The following PTPRN2 variants were observed in gnomAD, a reference collection of about 807,000 sequenced individuals.
PTPRN2 encodes the protein receptor-type tyrosine-protein phosphatase N2.
Under a neutral mutation model 118.8 loss-of-function variants are expected in PTPRN2, and 74 were observed. The observed-to-expected ratio is 0.62, with a 90% CI of 0.52 to 0.76. The LOEUF (loss-of-function observed/expected upper bound fraction) is 0.76. Ranked by LOEUF, PTPRN2 falls within the 30% of genes least tolerant of loss-of-function variation. PTPRN2 has a pLI of 0.00. For synonymous variants in PTPRN2, 641 were observed against 608.0 expected (o/e 1.05, Z -0.80); for missense variants, 1,481 against 1,394.4 (o/e 1.06, Z -0.99).
chr7:158,090,178 AC>A lies in PTPRN2; in HGVS notation c.1644-8802del, dbSNP rs55741276. ...GATGAAAGAGGGAGTCTTCACACAA[AC>A]CCTTCCTCCCCTGATGAAAGAGGGA... On this transcript the variant is annotated intron_variant, in intron 10 of 22. Coordinates refer to ENST00000389418, the MANE Select transcript of PTPRN2 (RefSeq NM_002847.5). Among the ~76,000 whole-genome samples, 32 of 19,580 alleles carry A rather than the reference AC, an allele frequency of 1.6e-3. 4 individuals are homozygous for A. Among genetic ancestry groups the A allele is most frequent in the Non-Finnish European group, 7.9e-3 (10 of 1,266 alleles). 12.8% of individuals were successfully genotyped at this position (19,580 alleles called of 152,430 possible).
intron 3 of PTPRN2, among the ~76,000 whole-genome samples, chr7:158,265,937 C>G (rs1278427942): frequency 6.6e-6 from 1 of 152,232 alleles, no homozygotes; most frequent in Non-Finnish European, 1.5e-5. Flanking sequence ...CTCTCTCTAG[C>G]ATGCTCAGAC....
intron 3 of PTPRN2, among the ~76,000 whole-genome samples, chr7:158,244,639 CTT>C (rs1796084831): frequency 6.8e-6 from 1 of 146,478 alleles, no homozygotes; most frequent in Non-Finnish European, 1.5e-5. Flanking sequence ...TGTGAGCTGA[CTT>C]GTGATTGTTT....
chr7:157,835,515 C>T (rs1242859694), intron 12 of PTPRN2, among the ~76,000 whole-genome samples: 1 of 152,086 alleles, frequency 6.6e-6, no homozygotes, highest in African/African-American at 2.4e-5. Context: ...TAGAGACGTA[C>T]GGCACAGGAA....
chr7:158,104,445 C>A (rs1815497713), intron 10 of PTPRN2, among the ~76,000 whole-genome samples: 1 of 152,034 alleles, frequency 6.6e-6, no homozygotes, highest in East Asian at 1.9e-4. Flanking sequence ...AGTAAGACAC[C>A]AAGATCAGCA....
chr7:157,546,833 C>T (rs941984282), intron 22 of PTPRN2, among the ~76,000 whole-genome samples: 11 of 152,202 alleles, frequency 7.2e-5, no homozygotes, highest in South Asian at 4.1e-4. Flanking sequence ...GTCCTGGGAC[C>T]ACCGTTGTGC....
At chr7:158,079,540 C>T (rs1812633974) in intron 11 of PTPRN2, among the ~76,000 whole-genome samples, 1 of 152,238 alleles carries the variant, frequency 6.6e-6, no homozygotes, top group Non-Finnish European at 1.5e-5. Context: ...ACAAGATTGC[C>T]ATTCCTAGCA....
chr7:158,333,204 C>T (rs1455887173), intron 2 of PTPRN2, among the ~76,000 whole-genome samples: 3 of 97,870 alleles, frequency 3.1e-5, no homozygotes, highest in African/African-American at 4.5e-5. Flanking sequence ...ACCATAAGAG[C>T]TGTCGCCCGC....
At chr7:158,518,251 G>A (rs192044550) in intron 1 of PTPRN2, among the ~76,000 whole-genome samples, 6 of 152,132 alleles carry the variant, frequency 3.9e-5, no homozygotes, top group Middle Eastern at 3.4e-3. Flanking sequence ...TAATAGAGAC[G>A]ATATGGATTT....
intron 12 of PTPRN2, among the ~76,000 whole-genome samples, chr7:157,727,708 T>A (rs535217160): frequency 6.6e-6 from 1 of 152,330 alleles, no homozygotes; most frequent in South Asian, 2.1e-4. Flanking sequence ...TACGTAACTA[T>A]GAGATTCTGT....
intron 6 of PTPRN2, among the ~76,000 whole-genome samples, chr7:158,164,469 C>T (rs1463366899): frequency 1.5e-5 from 2 of 136,912 alleles, no homozygotes; most frequent in South Asian, 2.4e-4. Context: ...AGCAGGAGCG[C>T]GCGCGTAGGA....
At chr7:158,251,401 G>A (rs976975841) in intron 3 of PTPRN2, among the ~76,000 whole-genome samples, 3 of 152,182 alleles carry the variant, frequency 2.0e-5, no homozygotes, top group Admixed American at 1.3e-4. Context: ...TGTATACAGT[G>A]CATGTGGGGC....
intron 12 of PTPRN2, among the ~76,000 whole-genome samples, chr7:157,790,319 T>C (rs1051603486): frequency 6.6e-6 from 1 of 151,090 alleles, no homozygotes; most frequent in African/African-American, 2.4e-5. Flanking sequence ...GTGTGTGTGG[T>C]GCGGGGGTGG....
intron 12 of PTPRN2, among the ~76,000 whole-genome samples, chr7:157,884,338 T>C (rs929937852): frequency 6.6e-6 from 1 of 152,250 alleles, no homozygotes; most frequent in African/African-American, 2.4e-5. Context: ...GAAAACAAGT[T>C]GATTCTCTTC....
intron 1 of PTPRN2, among the ~76,000 whole-genome samples, chr7:158,515,334 G>A (rs1469966488): frequency 1.3e-5 from 2 of 151,924 alleles, no homozygotes; most frequent in Non-Finnish European, 2.9e-5. Context: ...TTACAGGCAC[G>A]TGCCACCATG....
chr7:158,537,872 T>A (rs1825740172), intron 1 of PTPRN2, among the ~76,000 whole-genome samples: 1 of 152,272 alleles, frequency 6.6e-6, no homozygotes, highest in African/African-American at 2.4e-5. Flanking sequence ...TATTTATGAA[T>A]GTTCCTTTCC....
At chr7:158,417,590 G>A (rs1265023508) in intron 2 of PTPRN2, among the ~76,000 whole-genome samples, 9 of 146,692 alleles carry the variant, frequency 6.1e-5, no homozygotes, top group East Asian at 2.1e-4. Flanking sequence ...GTCCTACATC[G>A]AGATGCTCTA....
intron 11 of PTPRN2, among the ~76,000 whole-genome samples, chr7:157,922,339 A>G (rs1186942602): frequency 6.6e-6 from 1 of 152,148 alleles, no homozygotes; most frequent in Non-Finnish European, 1.5e-5. Context: ...TGGGGCCAGC[A>G]CTGCATCCTG....
intron 11 of PTPRN2, among the ~76,000 whole-genome samples, chr7:157,904,805 C>T (rs1007782521): frequency 2.0e-5 from 3 of 152,252 alleles, no homozygotes; most frequent in Admixed American, 6.5e-5. Flanking sequence ...CCTCCTGCAT[C>T]GCGAACGCTG....
intron 12 of PTPRN2, among the ~76,000 whole-genome samples, chr7:157,715,401 C>A (rs1798853122): frequency 6.6e-6 from 1 of 152,198 alleles, no homozygotes; most frequent in Admixed American, 6.5e-5. Flanking sequence ...CAGAATGAGG[C>A]AAAGTGATAG....
Sources: allele counts gnomAD v4.1 joint callset (sites outside exome capture counted in the v4.1 genomes callset), GRCh38; gene constraint gnomAD v4.1.1; transcripts MANE v1.5; gene names NCBI Gene and HGNC (gene_info 2026-07-23, HGNC 2026-07-21).